Variants in CDH10 observed in about 807,000 individuals in gnomAD.
CDH10 encodes the protein cadherin 10, also known as cadherin-10.
A neutral mutation model predicts 73.1 loss-of-function variants in CDH10; 30 were observed. The ratio of observed to expected loss-of-function variants is 0.41; its 90% confidence interval spans 0.31 to 0.56. CDH10 has a LOEUF of 0.56. Among genes scored for constraint, CDH10 ranks in the 20% least tolerant of loss-of-function variants. CDH10 has a pLI of 0.27. For synonymous variants in CDH10, 345 were observed against 348.2 expected (o/e 0.99, Z 0.10); for missense variants, 815 against 973.7 (o/e 0.84, Z 2.17).
intron 1 of CDH10, among the ~76,000 whole-genome samples, chr5:24,604,472 A>G (rs753786490): frequency 1.1e-4 from 16 of 152,224 alleles, no homozygotes; most frequent in Non-Finnish European, 2.4e-4. Flanking sequence ...GATTTCTTTG[A>G]GATGATACCT....
chr5:24,554,119 G>GGAGAGAGAGAGAGAGAGAGAGAGAGA (rs71605680), intron 2 of CDH10: 5 of 39,792 alleles, frequency 1.3e-4, no homozygotes, highest in African/African-American at 1.6e-4. Flanking sequence ...GGCGGGGGGG[G>GGAGAGAGAGAGAGAGAGAGAGAGAGA]GAGAGAGAGA....
rs543090982 is a variant in CDH10, at chr5:24,620,172, G to A, written c.-124+24422C>T. On this transcript the variant is annotated intron_variant, in intron 1 of 11. Coordinates refer to ENST00000264463, the MANE Select transcript of CDH10 (RefSeq NM_006727.5). ...GCTCTTATCTCCTCACACGTTAATA[G>A]GCATAATATTTTTTATTAAACACAT... Among the ~76,000 whole-genome samples the A allele has an allele frequency of 8.5e-5, 13 of 152,120 alleles. 1 individual carries two copies. In the South Asian group the frequency reaches 2.7e-3, roughly 32 times the overall value.
At chr5:24,605,160 C>T (rs1333541826) in intron 1 of CDH10, among the ~76,000 whole-genome samples, 1 of 152,152 alleles carries the variant, frequency 6.6e-6, no homozygotes, top group Non-Finnish European at 1.5e-5. Context: ...GACCGCAATG[C>T]ACACCACTAC....
At chr5:24,511,606 T>C (rs146338146) in intron 5 of CDH10, 92 bp from the exon 6 acceptor site, 3 of 637,308 alleles carry the variant, frequency 4.7e-6, no homozygotes, top group East Asian at 5.5e-5. Flanking sequence ...CTCAATAGAA[T>C]AGCCAAAAGC....
At chr5:24,492,747 C>T in intron 10 of CDH10, 70 bp downstream of exon 10, 1 of 741,646 alleles carries the variant, frequency 1.3e-6, no homozygotes, top group Non-Finnish European at 2.5e-6. Flanking sequence ...ATATATATTG[C>T]AATGGTTACA....
intron 1 of CDH10, among the ~76,000 whole-genome samples, chr5:24,636,168 A>C (rs1441387455): frequency 1.3e-5 from 2 of 151,978 alleles, no homozygotes; most frequent in Non-Finnish European, 2.9e-5. Flanking sequence ...TAGACACTAT[A>C]GTAATTGCTT....
chr5:24,558,671 A>T (rs2111979569), intron 2 of CDH10, among the ~76,000 whole-genome samples: 1 of 145,806 alleles, frequency 6.9e-6, no homozygotes, highest in South Asian at 2.2e-4. Flanking sequence ...AAATGAAGAT[A>T]TCTGCATATA....
intron 1 of CDH10, among the ~76,000 whole-genome samples, chr5:24,643,483 A>G (rs562388987): frequency 1.0e-3 from 159 of 152,216 alleles, no homozygotes; most frequent in African/African-American, 3.5e-3. Context: ...GAAGTATAAC[A>G]GTTGTCAACA....
intron 2 of CDH10, among the ~76,000 whole-genome samples, chr5:24,572,339 A>G (rs938075555): frequency 3.3e-5 from 5 of 152,148 alleles, no homozygotes; most frequent in African/African-American, 1.2e-4. Context: ...GACTAAAGGC[A>G]TTCGGCAGAT....
chr5:24,634,233 A>C (rs1015275221), intron 1 of CDH10, among the ~76,000 whole-genome samples: 1 of 151,842 alleles, frequency 6.6e-6, no homozygotes, highest in Non-Finnish European at 1.5e-5. Flanking sequence ...TTCTCCTCTA[A>C]TTTTGCACAA....
chr5:24,548,860 T>C (rs958117970), intron 2 of CDH10, among the ~76,000 whole-genome samples: 2 of 151,920 alleles, frequency 1.3e-5, no homozygotes, highest in Admixed American at 6.6e-5. Context: ...TATACAAGAA[T>C]AAAAGTAGAG....
At chr5:24,518,884 C>CTT (rs36019861) in intron 5 of CDH10, among the ~76,000 whole-genome samples, 2,137 of 77,404 alleles carry the variant, frequency 0.028, 138 homozygotes, top group African/African-American at 0.059. Context: ...GACATGTGCA[C>CTT]TTTTTTTTTT....
At chr5:24,495,349 T>G (rs918948456) in intron 9 of CDH10, among the ~76,000 whole-genome samples, 3 of 152,166 alleles carry the variant, frequency 2.0e-5, no homozygotes, top group Admixed American at 2.0e-4. Flanking sequence ...TATAATTGAT[T>G]TCTGTCTTCA....
At chr5:24,590,758 C>A (rs566658599) in intron 2 of CDH10, among the ~76,000 whole-genome samples, 1 of 152,144 alleles carries the variant, frequency 6.6e-6, no homozygotes, top group Non-Finnish European at 1.5e-5. Context: ...CCTCATCAAA[C>A]CAGTGTAAGT....
At chr5:24,606,177 C>G (rs1333810645) in intron 1 of CDH10, among the ~76,000 whole-genome samples, 1 of 151,912 alleles carries the variant, frequency 6.6e-6, no homozygotes, top group South Asian at 2.1e-4. Flanking sequence ...AGAACTTTAC[C>G]CTAGAAAGGA....
At chr5:24,642,398 C>G (rs1253218545) in intron 1 of CDH10, among the ~76,000 whole-genome samples, 1 of 152,094 alleles carries the variant, frequency 6.6e-6, no homozygotes, top group African/African-American at 2.4e-5. Flanking sequence ...GAAATTCACC[C>G]TATTTTTTAT....
At chr5:24,585,996 G>A (rs1029641297) in intron 2 of CDH10, among the ~76,000 whole-genome samples, 2 of 152,132 alleles carry the variant, frequency 1.3e-5, no homozygotes, top group Non-Finnish European at 2.9e-5. Flanking sequence ...AAGCTCAGTC[G>A]TCTTGCACAT....
rs570224297 is a variant in CDH10 at position 24,523,540 on chromosome 5, T to C, written c.814+11572A>G. Among the ~76,000 whole-genome samples, 7 of 152,254 alleles carry C rather than the reference T, an allele frequency of 4.6e-5. No homozygotes were observed. The East Asian group carries it at 1.3e-3, about 29-fold the overall frequency. On this transcript the variant is annotated intron_variant, in intron 5 of 11. Coordinates refer to ENST00000264463, the MANE Select transcript of CDH10 (RefSeq NM_006727.5). ...CTTTGTTCCATTAATTTTACTTTCA[T>C]ATGGAATTCATTGTGAATATTAACT...
chr5:24,527,162 ATATATG>A (rs1743562287), intron 5 of CDH10, among the ~76,000 whole-genome samples: 2 of 150,204 alleles, frequency 1.3e-5, no homozygotes, highest in South Asian at 4.2e-4. Context: ...TGTTTTGTGT[ATATATG>A]TATAAGTATA....
Sources: allele counts gnomAD v4.1 joint callset (sites outside exome capture counted in the v4.1 genomes callset), GRCh38; gene constraint gnomAD v4.1.1; transcripts MANE v1.5; gene names NCBI Gene and HGNC (gene_info 2026-07-23, HGNC 2026-07-21).